Variants in SGCD observed in about 807,000 individuals in gnomAD.
The protein encoded by SGCD is sarcoglycan delta.
A neutral mutation model predicts 36.6 loss-of-function variants in SGCD; 18 were observed. That is an observed-to-expected ratio of 0.49 (90% CI 0.34 to 0.73). The LOEUF (loss-of-function observed/expected upper bound fraction) is 0.73, where lower values mean the gene tolerates loss of function less well. Among genes scored for constraint, SGCD ranks in the 30% least tolerant of loss-of-function variants. The probability of loss-of-function intolerance (pLI) is 0.01; values close to 1 mark genes in which losing one functional copy is unlikely to be tolerated. For missense variants in SGCD, 387 were observed against 346.7 expected, an observed-to-expected ratio of 1.12 and a Z score of -0.92; for synonymous variants, 133 against 130.6, an observed-to-expected ratio of 1.02 and a Z score of -0.12.
chr5:156,269,714 G>C (rs1445783266), intron 3 of SGCD, among the ~76,000 whole-genome samples: 1 of 151,994 alleles, frequency 6.6e-6, no homozygotes, highest in African/African-American at 2.4e-5. Context: ...AAATGGGATT[G>C]TTTGTTTTTC....
chr5:155,928,416 C>A (rs1322782033), intron 1 of SGCD, among the ~76,000 whole-genome samples: 1 of 151,804 alleles, frequency 6.6e-6, no homozygotes, highest in Non-Finnish European at 1.5e-5. Flanking sequence ...GCCTATAATC[C>A]CAACACTTTG....
chr5:156,352,156 T>A (rs1769292800), intron 3 of SGCD, among the ~76,000 whole-genome samples: 1 of 152,210 alleles, frequency 6.6e-6, no homozygotes, highest in Non-Finnish European at 1.5e-5. Context: ...ACTGTAGTAT[T>A]GATCATGTAG....
intron 3 of SGCD, among the ~76,000 whole-genome samples, chr5:156,239,038 A>T (rs1765235175): frequency 1.3e-5 from 2 of 152,056 alleles, no homozygotes; most frequent in Admixed American, 1.3e-4. Context: ...TGGGGGCCTC[A>T]TTCATTTTGG....
chr5:155,750,929 G>A, the SGCD span, among the ~76,000 whole-genome samples: 1 of 152,084 alleles, frequency 6.6e-6, no homozygotes, highest in African/African-American at 2.4e-5. Context: ...GTGACTCCTG[G>A]GGCAAAAGAA....
chr5:156,636,399 A>G (rs1762829474), intron 6 of SGCD, among the ~76,000 whole-genome samples: 1 of 152,198 alleles, frequency 6.6e-6, no homozygotes, highest in Admixed American at 6.5e-5. Context: ...GAAAAGTACA[A>G]AGACTCCCAT....
intron 3 of SGCD, among the ~76,000 whole-genome samples, chr5:156,251,357 G>C (rs1173583658): frequency 6.6e-6 from 1 of 152,062 alleles, no homozygotes; most frequent in African/African-American, 2.4e-5. Flanking sequence ...CTTTTGCCTA[G>C]ACCCCCTTTT....
intron 1 of SGCD, among the ~76,000 whole-genome samples, chr5:155,964,843 C>T (rs1757871330): frequency 6.6e-6 from 1 of 152,074 alleles, no homozygotes; most frequent in African/African-American, 2.4e-5. Flanking sequence ...GGTATTTGCC[C>T]AGCTCTGCTA....
At chr5:155,843,634 C>T in the SGCD span, among the ~76,000 whole-genome samples, 2 of 152,224 alleles carry the variant, frequency 1.3e-5, no homozygotes, top group Non-Finnish European at 2.9e-5. Context: ...ATGATCTTCT[C>T]ATTCTGCCTG....
intron 4 of SGCD, among the ~76,000 whole-genome samples, chr5:156,530,829 C>T (rs933116708): frequency 5.3e-5 from 8 of 151,858 alleles, no homozygotes; most frequent in African/African-American, 9.7e-5. Flanking sequence ...CCACCCATCT[C>T]GGCCTCCCAA....
intron 4 of SGCD, among the ~76,000 whole-genome samples, chr5:156,516,369 A>G (rs1757167057): frequency 6.6e-6 from 1 of 152,230 alleles, no homozygotes; most frequent in Admixed American, 6.5e-5. Context: ...TCCACTGGTG[A>G]CACCTCCAGG....
intron 4 of SGCD, among the ~76,000 whole-genome samples, chr5:156,570,276 A>AT (rs1759664997): frequency 6.6e-6 from 1 of 152,182 alleles, no homozygotes; most frequent in South Asian, 2.1e-4. Flanking sequence ...GTTTAGTATA[A>AT]TTGAAAATAA....
intron 3 of SGCD, among the ~76,000 whole-genome samples, chr5:156,425,056 C>T (rs1504930): frequency 0.67 from 101,462 of 151,342 alleles, 34,594 homozygotes; most frequent in Middle Eastern, 0.88. Flanking sequence ...TCTGAGAATG[C>T]TGAGAAACTT....
chr5:155,849,288 G>A, the SGCD span, among the ~76,000 whole-genome samples: 1 of 151,922 alleles, frequency 6.6e-6, no homozygotes, highest in Admixed American at 6.6e-5. Context: ...AACTATTTAA[G>A]TTCACCAACT....
intron 7 of SGCD, among the ~76,000 whole-genome samples, chr5:156,734,784 C>A (rs1023957864): frequency 6.6e-6 from 1 of 152,182 alleles, no homozygotes; most frequent in African/African-American, 2.4e-5. Flanking sequence ...TGATTTTTAG[C>A]TTCCTTGCAT....
At chr5:156,129,228 TTACA>T (rs757954744) in intron 3 of SGCD, among the ~76,000 whole-genome samples, 69 of 152,240 alleles carry the variant, frequency 4.5e-4, no homozygotes, top group Non-Finnish European at 5.9e-4. Context: ...CTGCCATTAA[TTACA>T]TACTTTGTTC....
chr5:155,879,060 G>A (rs2113290899), intron 1 of SGCD, among the ~76,000 whole-genome samples: 1 of 151,968 alleles, frequency 6.6e-6, no homozygotes, highest in East Asian at 1.9e-4. Flanking sequence ...GCTGTGATCA[G>A]GCACCACATC....
intron 7 of SGCD, among the ~76,000 whole-genome samples, chr5:156,750,638 C>CTCTG (rs529855368): frequency 6.7e-6 from 1 of 149,210 alleles, no homozygotes; most frequent in African/African-American, 2.5e-5. Flanking sequence ...AAGAGTGAAA[C>CTCTG]TCTGTCTCAG....
At chr5:156,072,637 TTG>T (rs1760617237) in intron 1 of SGCD, among the ~76,000 whole-genome samples, 1 of 152,168 alleles carries the variant, frequency 6.6e-6, no homozygotes, top group Non-Finnish European at 1.5e-5. Flanking sequence ...AGGAGTATCT[TTG>T]TGGTGTTCTC....
At chr5:156,393,613 A>T (rs1771697440) in intron 3 of SGCD, 2 of 411,148 alleles carry the variant, frequency 4.9e-6, no homozygotes, top group South Asian at 3.6e-5. Context: ...AGTCATGTTA[A>T]TAGGTTGAAA....
Sources: gnomAD v4.1 joint callset for allele counts (sites outside exome capture counted in the v4.1 genomes callset) on GRCh38, gnomAD v4.1.1 for gene constraint, MANE v1.5 for transcripts, NCBI Gene and HGNC (gene_info 2026-07-23, HGNC 2026-07-21) for gene names.